Variants in PEX5L observed in about 807,000 individuals in gnomAD.
PEX5L encodes PEX5-related protein.
In PEX5L, 30 loss-of-function variants were observed where a neutral mutation model predicts 84.0. That is an observed-to-expected ratio of 0.36 (90% CI 0.27 to 0.48). The LOEUF (loss-of-function observed/expected upper bound fraction) is 0.48. Ranked by LOEUF, PEX5L falls within the 20% of genes least tolerant of loss-of-function variation. The pLI, the probability that PEX5L is intolerant of heterozygous loss-of-function variation, is 0.99. For missense variants in PEX5L, 533 were observed against 754.6 expected (o/e 0.71, Z 3.44); for synonymous variants, 270 against 283.1 (o/e 0.95, Z 0.46).
intron 1 of PEX5L, among the ~76,000 whole-genome samples, chr3:180,020,825 T>C (rs559614495): frequency 5.3e-5 from 8 of 152,212 alleles, no homozygotes; most frequent in Non-Finnish European, 1.0e-4. Flanking sequence ...TATACTAGTC[T>C]ATGGGACTCT....
intron 1 of PEX5L, among the ~76,000 whole-genome samples, chr3:180,001,896 AG>A (rs759898763): frequency 2.0e-4 from 30 of 152,322 alleles, no homozygotes; most frequent in Admixed American, 3.3e-4. Flanking sequence ...CCATAGTCAT[AG>A]CCAAACACAC....
At chr3:179,914,338 T>G (rs910014986) in intron 2 of PEX5L, among the ~76,000 whole-genome samples, 2 of 152,204 alleles carry the variant, frequency 1.3e-5, no homozygotes, top group African/African-American at 4.8e-5. Context: ...CATTACACAT[T>G]AAGTCTCTAG....
chr3:179,870,715 G>A (rs1750015290), intron 7 of PEX5L, among the ~76,000 whole-genome samples: 1 of 152,126 alleles, frequency 6.6e-6, no homozygotes, highest in Non-Finnish European at 1.5e-5. Flanking sequence ...CCTTCCCTGA[G>A]TTTCATACTT....
At chr3:179,874,148 T>TATATAC (rs1491544560) in intron 7 of PEX5L, among the ~76,000 whole-genome samples, 179 bp downstream of exon 7, 1 of 149,256 alleles carries the variant, frequency 6.7e-6, no homozygotes, top group African/African-American at 2.4e-5. Context: ...TATATATATA[T>TATATAC]ACACACACAC....
rs1717391149 is a variant in PEX5L at position 179,797,461 on chromosome 3, T to TAA, written c.*4365_*4366dup. On this transcript the variant is annotated 3_prime_UTR_variant, in exon 15 of 15. Coordinates refer to ENST00000467460, the MANE Select transcript of PEX5L (RefSeq NM_016559.3). ...GTCAAGTTATCTTGCATGCTTTGGT[T>TAA]AATATTTGAGTAGGCAAATTTGCAA... The TAA allele has an allele frequency of 6.6e-6, 1 of 152,040 alleles. No homozygotes were observed. The allele number at this position is 152,040 out of a possible 1,614,324, so 9.4% of individuals were successfully genotyped here. A position where few individuals can be genotyped will look rare whatever the true frequency, so the allele number is the denominator to read the frequency against.
chr3:179,940,130 T>C (rs1056787894), intron 2 of PEX5L, among the ~76,000 whole-genome samples: 1 of 152,126 alleles, frequency 6.6e-6, no homozygotes, highest in South Asian at 2.1e-4. Context: ...GTGACCTGAT[T>C]ATGCTTCCTA....
chr3:179,797,409 A>G lies in PEX5L; in HGVS notation c.*4419T>C, dbSNP rs1717380577. The G allele has an allele frequency of 6.6e-6, 1 of 152,136 alleles. No homozygotes were observed. Among genetic ancestry groups the G allele is most frequent in the Non-Finnish European group, 1.5e-5 (1 of 68,006 alleles). 9.4% of individuals were successfully genotyped at this position (152,136 alleles called of 1,614,324 possible). On this transcript the variant is annotated 3_prime_UTR_variant, in exon 15 of 15. Transcript: ENST00000467460. ...ACAACAGGCTAACCTATGAGACTTA[A>G]TCATGCACTGTGTAAATTTAAATTC...
At chr3:179,802,110 G>T (rs1430125835) in intron 14 of PEX5L, 78 bp from the exon 15 acceptor site, 1 of 989,612 alleles carries the variant, frequency 1.0e-6, no homozygotes, top group African/African-American at 1.6e-5. Context: ...AAACAAAATT[G>T]GATTAAGTGA....
At chr3:179,994,812 A>G (rs1046051200) in intron 1 of PEX5L, among the ~76,000 whole-genome samples, 4 of 152,024 alleles carry the variant, frequency 2.6e-5, no homozygotes, top group African/African-American at 9.7e-5. Context: ...AAAAATGTGA[A>G]AAGACTATAC....
intron 1 of PEX5L, among the ~76,000 whole-genome samples, chr3:180,003,867 A>G (rs1184903304): frequency 6.6e-6 from 1 of 152,208 alleles, no homozygotes; most frequent in East Asian, 1.9e-4. Context: ...CAAATAAGTG[A>G]AGGGAATTCA....
chr3:179,854,745 T>C (rs1743261576), intron 8 of PEX5L, among the ~76,000 whole-genome samples: 1 of 152,206 alleles, frequency 6.6e-6, no homozygotes, highest in African/African-American at 2.4e-5. Flanking sequence ...TATTTATTGA[T>C]TATTCGTAGG....
chr3:179,923,152 T>A (rs189836056), intron 2 of PEX5L, among the ~76,000 whole-genome samples: 13 of 151,740 alleles, frequency 8.6e-5, no homozygotes, highest in Admixed American at 7.2e-4. Context: ...TTAGTTGGGC[T>A]TGGTGGCGGG....
At chr3:179,805,169 T>TTC (rs1560154684) in intron 14 of PEX5L, among the ~76,000 whole-genome samples, 3 of 135,940 alleles carry the variant, frequency 2.2e-5, no homozygotes, top group African/African-American at 8.9e-5. Flanking sequence ...TTTTTTTTTT[T>TTC]CAGGAAAAAG....
chr3:179,948,728 G>A (rs1173866262), intron 2 of PEX5L, among the ~76,000 whole-genome samples: 1 of 152,084 alleles, frequency 6.6e-6, no homozygotes, highest in Non-Finnish European at 1.5e-5. Context: ...AAAAAACAAA[G>A]TACTAGATAA....
At chr3:179,960,070 T>C (rs1247519333) in intron 2 of PEX5L, among the ~76,000 whole-genome samples, 2 of 152,172 alleles carry the variant, frequency 1.3e-5, no homozygotes, top group Non-Finnish European at 1.5e-5. Flanking sequence ...TTCTCCCTTA[T>C]ATTTGTAAAG....
chr3:180,035,401 T>G (rs375882051), intron 1 of PEX5L, among the ~76,000 whole-genome samples: 2 of 152,292 alleles, frequency 1.3e-5, no homozygotes, highest in East Asian at 3.9e-4. Flanking sequence ...AAATGTGATA[T>G]AATCACATTA....
intron 1 of PEX5L, among the ~76,000 whole-genome samples, chr3:180,025,275 T>A (rs1790845494): frequency 6.6e-6 from 1 of 152,176 alleles, no homozygotes; most frequent in South Asian, 2.1e-4. Flanking sequence ...GAGTCCTTAC[T>A]CAGGACAGTA....
chr3:179,821,853 G>A (rs376118156), intron 8 of PEX5L, among the ~76,000 whole-genome samples: 6 of 152,226 alleles, frequency 3.9e-5, no homozygotes, highest in Non-Finnish European at 8.8e-5. Flanking sequence ...CATGTTAATA[G>A]AAATGTGCCT....
chr3:179,841,019 A>G (rs1425345509), intron 8 of PEX5L, among the ~76,000 whole-genome samples: 1 of 152,188 alleles, frequency 6.6e-6, no homozygotes, highest in African/African-American at 2.4e-5. Context: ...AGAGATAGCT[A>G]AGAAGAAAAA....
Sources: gnomAD v4.1 joint callset for allele counts (sites outside exome capture counted in the v4.1 genomes callset) on GRCh38, gnomAD v4.1.1 for gene constraint, MANE v1.5 for transcripts, NCBI Gene and HGNC (gene_info 2026-07-23, HGNC 2026-07-21) for gene names.